CWC27: variants seen among roughly 807,000 people sequenced by gnomAD.
CWC27 encodes CWC27 spliceosome associated cyclophilin.
A neutral mutation model predicts 63.6 loss-of-function variants in CWC27; 47 were observed. The ratio of observed to expected loss-of-function variants is 0.74; its 90% CI spans 0.58 to 0.94. CWC27 has a LOEUF of 0.94. Ranked by LOEUF, CWC27 falls within the 40% of genes least tolerant of loss-of-function variation. The pLI is 0.00. For missense variants in CWC27, 495 were observed against 554.3 expected (o/e 0.89, Z 1.07); for synonymous variants, 175 against 179.8 (o/e 0.97, Z 0.22).
At chr5:64,846,659 A>G (rs2112290013) in intron 10 of CWC27, among the ~76,000 whole-genome samples, 1 of 152,290 alleles carries the variant, frequency 6.6e-6, no homozygotes, top group South Asian at 2.1e-4. Flanking sequence ...AGGGAGGAAG[A>G]CAAAAAAAAT....
chr5:64,832,922 G>A (rs1008046518), intron 10 of CWC27, among the ~76,000 whole-genome samples: 4 of 151,856 alleles, frequency 2.6e-5, no homozygotes, highest in Non-Finnish European at 5.9e-5. Flanking sequence ...TGCTTATATA[G>A]TGGCTTAAGA....
chr5:64,776,094 A>C (rs1405903360), intron 2 of CWC27, among the ~76,000 whole-genome samples: 5 of 150,176 alleles, frequency 3.3e-5, no homozygotes, highest in African/African-American at 1.2e-4. Context: ...AGAGAGAGAG[A>C]GAGAGAGAGA....
At chr5:64,840,932 A>G (rs10434528) in intron 10 of CWC27, among the ~76,000 whole-genome samples, 53,596 of 152,000 alleles carry the variant, frequency 0.35, 9,898 homozygotes, top group East Asian at 0.51. Flanking sequence ...GGACTGACAC[A>G]TTGTGAAGGT....
At chr5:64,986,609 T>A (rs2915443) in intron 13 of CWC27, among the ~76,000 whole-genome samples, 2 of 152,074 alleles carry the variant, frequency 1.3e-5, no homozygotes, top group Non-Finnish European at 2.9e-5. Flanking sequence ...AAAGAACTGG[T>A]ATAATTTCTT....
At position 64,911,991 on chromosome 5, in the gene CWC27, G is replaced by A. The variant is rs528269207; in HGVS notation, c.1042+26445G>A. Among the ~76,000 whole-genome samples the A allele has an allele frequency of 1.1e-3, 159 of 150,720 alleles. 1 individual carries two copies. Among genetic ancestry groups the A allele is most frequent in the East Asian group, 1.8e-3 (9 of 5,092 alleles). ...TGGGAGGCTGAGGCAGGAGAATGGCGTGAACCCAGGAGGCAGATCTTGCAG... is the reference window on the plus strand; with the variant it reads ...TGGGAGGCTGAGGCAGGAGAATGGCATGAACCCAGGAGGCAGATCTTGCAG... On this transcript the variant is annotated intron_variant, in intron 11 of 13. Transcript: ENST00000381070.
intron 2 of CWC27, among the ~76,000 whole-genome samples, chr5:64,775,759 C>T (rs561513007): frequency 6.6e-6 from 1 of 152,140 alleles, no homozygotes; most frequent in South Asian, 2.1e-4. Flanking sequence ...AGAGTATTCT[C>T]TTAGGGAAGT....
intron 11 of CWC27, among the ~76,000 whole-genome samples, chr5:64,887,975 T>C (rs1300478623): frequency 6.6e-6 from 1 of 152,154 alleles, no homozygotes; most frequent in African/African-American, 2.4e-5. Flanking sequence ...ATATTGCTCC[T>C]AATAGCACTC....
chr5:64,862,137 A>C (rs905198597), intron 10 of CWC27, among the ~76,000 whole-genome samples: 4 of 152,202 alleles, frequency 2.6e-5, no homozygotes, highest in East Asian at 1.9e-4. Flanking sequence ...TATCAAAATG[A>C]TATCAGCAAA....
At chr5:64,963,658 A>C (rs1315432021) in intron 11 of CWC27, among the ~76,000 whole-genome samples, 1 of 152,200 alleles carries the variant, frequency 6.6e-6, no homozygotes. Context: ...TACCCTGTAA[A>C]GTGTTTGAGT....
chr5:64,901,015 C>T (rs1237722910), intron 11 of CWC27, among the ~76,000 whole-genome samples: 1 of 151,268 alleles, frequency 6.6e-6, no homozygotes, highest in East Asian at 1.9e-4. Flanking sequence ...TTTTTTAGCT[C>T]ATCAGCTATC....
chr5:64,796,686 G>A lies in CWC27; in HGVS notation c.670-3562G>A, dbSNP rs550123779. Among the ~76,000 whole-genome samples the A allele has an allele frequency of 2.9e-4, 44 of 152,154 alleles. 1 individual carries two copies. Among genetic ancestry groups the A allele is most frequent in the Admixed American group, 6.6e-4 (10 of 15,264 alleles). ...TCATAAAATTATCCACACAGAGTTA[G>A]AGATTGAGCCCCAGACCTTCCAGTT... On this transcript the variant is annotated intron_variant, in intron 7 of 13. Transcript: ENST00000381070.
intron 8 of CWC27, 145 bp downstream of exon 8, chr5:64,800,472 T>C: frequency 1.8e-6 from 1 of 555,868 alleles, no homozygotes; most frequent in Non-Finnish European, 3.2e-6. Context: ...ATAACAGAGA[T>C]AGAGAACTTC....
intron 11 of CWC27, among the ~76,000 whole-genome samples, chr5:64,909,680 T>G (rs551725730): frequency 4.6e-5 from 7 of 152,326 alleles, no homozygotes; most frequent in African/African-American, 1.7e-4. Context: ...TTTATTTCAT[T>G]AATTTGATCT....
At chr5:64,775,679 CAT>C (rs984632158) in intron 2 of CWC27, among the ~76,000 whole-genome samples, 1 of 152,056 alleles carries the variant, frequency 6.6e-6, no homozygotes, top group African/African-American at 2.4e-5. Flanking sequence ...AGATTTGAGT[CAT>C]AAAGTAACTA....
chr5:64,936,122 A>G (rs987438749), intron 11 of CWC27, among the ~76,000 whole-genome samples: 2 of 152,224 alleles, frequency 1.3e-5, no homozygotes, highest in African/African-American at 4.8e-5. Context: ...CCTGGCCAGA[A>G]CTTCCAATAT....
intron 11 of CWC27, among the ~76,000 whole-genome samples, chr5:64,922,790 G>A (rs560579935): frequency 4.0e-4 from 61 of 152,304 alleles, no homozygotes; most frequent in African/African-American, 1.4e-3. Flanking sequence ...TTTGGATAGA[G>A]CTTTTTATTT....
At chr5:64,853,862 G>GT (rs1321658901) in intron 10 of CWC27, among the ~76,000 whole-genome samples, 1 of 152,150 alleles carries the variant, frequency 6.6e-6, no homozygotes, top group Non-Finnish European at 1.5e-5. Flanking sequence ...TATATCAACG[G>GT]TTTTTAAGTT....
intron 10 of CWC27, among the ~76,000 whole-genome samples, chr5:64,873,141 G>T (rs952247456): frequency 6.6e-6 from 1 of 152,158 alleles, no homozygotes; most frequent in African/African-American, 2.4e-5. Flanking sequence ...AACACGGAAG[G>T]TGTACAAAAG....
At chr5:64,848,428 A>G (rs1036884092) in intron 10 of CWC27, among the ~76,000 whole-genome samples, 1 of 151,350 alleles carries the variant, frequency 6.6e-6, no homozygotes, top group Non-Finnish European at 1.5e-5. Context: ...ACTGATATCA[A>G]TCCTTCTCAA....
Sources: gnomAD v4.1 joint callset for allele counts (sites outside exome capture counted in the v4.1 genomes callset) on GRCh38, gnomAD v4.1.1 for gene constraint, MANE v1.5 for transcripts, NCBI Gene and HGNC (gene_info 2026-07-23, HGNC 2026-07-21) for gene names.